Variants in KSR1 observed in about 807,000 individuals in gnomAD.
The protein encoded by KSR1 is kinase suppressor of ras.
A neutral mutation model predicts 92.9 loss-of-function variants in KSR1; 35 were observed. The observed-to-expected ratio is 0.38, with a 90% CI of 0.29 to 0.50. KSR1 has a LOEUF of 0.50. Among genes scored for constraint, KSR1 ranks in the 20% least tolerant of loss-of-function variants. The probability of loss-of-function intolerance (pLI) is 0.94; values close to 1 mark genes in which losing one functional copy is unlikely to be tolerated. For synonymous variants in KSR1, 467 were observed against 472.6 expected, an observed-to-expected ratio of 0.99 and a Z score of 0.15; for missense variants, 972 against 1,158.5, an observed-to-expected ratio of 0.84 and a Z score of 2.34.
chr17:27,485,295 A>G (rs1255963330), intron 1 of KSR1, among the ~76,000 whole-genome samples: 1 of 152,200 alleles, frequency 6.6e-6, no homozygotes, highest in East Asian at 1.9e-4. Flanking sequence ...CAGAGAGGGC[A>G]GGGTGATGGG....
intron 9 of KSR1, among the ~76,000 whole-genome samples, chr17:27,596,187 AG>A (rs2073339792): frequency 6.6e-6 from 1 of 152,242 alleles, no homozygotes; most frequent in Non-Finnish European, 1.5e-5. Flanking sequence ...AAAGTTACTA[AG>A]CTTCATCTGG....
intron 1 of KSR1, among the ~76,000 whole-genome samples, chr17:27,470,129 C>T (rs1193710636): frequency 1.5e-4 from 23 of 150,970 alleles, no homozygotes. Flanking sequence ...GATCTCAGTT[C>T]ACTGCAGCCT....
chr17:27,587,475 G>A (rs369186784), intron 5 of KSR1: 6 of 152,326 alleles, frequency 3.9e-5, no homozygotes, highest in African/African-American at 1.4e-4. Flanking sequence ...TGACTCAGAG[G>A]ACATGAGATG....
chr17:27,530,719 A>G (rs1347509511), intron 1 of KSR1, among the ~76,000 whole-genome samples: 6 of 152,248 alleles, frequency 3.9e-5, no homozygotes, highest in African/African-American at 1.2e-4. Flanking sequence ...AGTAGAAGGA[A>G]GAAAATAATT....
chr17:27,576,763 T>C (rs1479314112), intron 2 of KSR1, among the ~76,000 whole-genome samples: 1 of 152,254 alleles, frequency 6.6e-6, no homozygotes, highest in Non-Finnish European at 1.5e-5. Context: ...GCATTTTCCA[T>C]TTAATAGTTT....
chr17:27,581,118 G>A (rs1484727990), intron 3 of KSR1, among the ~76,000 whole-genome samples: 2 of 152,096 alleles, frequency 1.3e-5, no homozygotes, highest in Admixed American at 1.3e-4. Context: ...GAAGGCTCCA[G>A]GCATAGCGGA....
chr17:27,497,139 C>T (rs1027160584), intron 1 of KSR1, among the ~76,000 whole-genome samples: 5 of 152,328 alleles, frequency 3.3e-5, no homozygotes, highest in Admixed American at 6.5e-5. Context: ...TTCATTTCCA[C>T]CTCTTTGCGA....
At position 27,517,978 on chromosome 17, in the gene KSR1, A is replaced by G. The variant is rs576188924; in HGVS notation, c.232-32590A>G. ...CAAGCTATTTATTCATTTGGTCATT[A>G]TTGAGGACCTGCTGTATGCCACCAC... On this transcript the variant is annotated intron_variant, in intron 1 of 20. Transcript: ENST00000644974. Among the ~76,000 whole-genome samples, 12 of 152,352 alleles carry G rather than the reference A, an allele frequency of 7.9e-5. No individual in the cohort carries two copies. In the South Asian group the frequency reaches 8.3e-4, roughly 11 times the overall value.
chr17:27,596,996 C>T (rs562781838), intron 9 of KSR1, among the ~76,000 whole-genome samples: 4 of 152,282 alleles, frequency 2.6e-5, no homozygotes, highest in African/African-American at 4.8e-5. Context: ...AGAGGAGGAG[C>T]GTGGTCCCAG....
chr17:27,461,096 C>A (rs563860820), intron 1 of KSR1, among the ~76,000 whole-genome samples: 2 of 152,074 alleles, frequency 1.3e-5, no homozygotes, highest in East Asian at 3.9e-4. Context: ...TTTTGTTTTT[C>A]TTTTAGTCAG....
At chr17:27,593,995 C>T (rs2073256498) in intron 9 of KSR1, among the ~76,000 whole-genome samples, 1 of 152,136 alleles carries the variant, frequency 6.6e-6, no homozygotes, top group Non-Finnish European at 1.5e-5. Flanking sequence ...ACCCAGTTAC[C>T]TCTCAGAGGC....
chr17:27,535,363 T>G (rs1306804519), intron 1 of KSR1, among the ~76,000 whole-genome samples: 1 of 152,206 alleles, frequency 6.6e-6, no homozygotes, highest in East Asian at 1.9e-4. Flanking sequence ...CACATTGGTG[T>G]GCGCCACAGA....
intron 1 of KSR1, among the ~76,000 whole-genome samples, chr17:27,536,266 C>T: frequency 6.6e-6 from 1 of 152,146 alleles, no homozygotes; most frequent in East Asian, 1.9e-4. Flanking sequence ...GCTTGGGTGG[C>T]TCATTTGCTG....
intron 1 of KSR1, among the ~76,000 whole-genome samples, chr17:27,532,275 G>T (rs1361486584): frequency 1.3e-5 from 2 of 152,224 alleles, no homozygotes; most frequent in Non-Finnish European, 2.9e-5. Context: ...GAGCCCTGTG[G>T]GGTTTGCCCG....
chr17:27,604,165 G>T (rs902841481), intron 12 of KSR1, among the ~76,000 whole-genome samples: 2 of 152,186 alleles, frequency 1.3e-5, no homozygotes, highest in African/African-American at 4.8e-5. Flanking sequence ...AGAAGCCTAA[G>T]AATAGCTCCT....
rs757800049 is a variant in KSR1 at position 27,597,453 on chromosome 17, C to T, written c.1468+17C>T. 1.3e-6 allele frequency: 2 copies of T among 1,589,424 alleles called. No individual in the cohort carries two copies. The highest frequency in any genetic ancestry group is 2.2e-5 in the East Asian group (1 of 44,614). On this transcript the variant is annotated intron_variant, in intron 10 of 20. Coordinates refer to ENST00000644974, the MANE Select transcript of KSR1 (RefSeq NM_001394583.1). The stretch of plus-strand genomic sequence containing the variant: ...ACTTCCCAGGTACCACATCTCCAGG[C>T]TTTTCTGGGTTCTAAGGGATACAGT...
At chr17:27,554,369 A>G (rs921844477) in intron 2 of KSR1, among the ~76,000 whole-genome samples, 1 of 152,214 alleles carries the variant, frequency 6.6e-6, no homozygotes, top group Non-Finnish European at 1.5e-5. Flanking sequence ...GTACCGGTCC[A>G]CTTGGCCTCT....
At chr17:27,545,173 T>G (rs771728145) in intron 1 of KSR1, among the ~76,000 whole-genome samples, 1 of 152,232 alleles carries the variant, frequency 6.6e-6, no homozygotes, top group Non-Finnish European at 1.5e-5. Context: ...CCCATGGGCC[T>G]GCTTTGGGCT....
intron 1 of KSR1, among the ~76,000 whole-genome samples, chr17:27,533,411 G>T (rs897340322): frequency 4.7e-5 from 7 of 149,872 alleles, no homozygotes; most frequent in African/African-American, 1.5e-4. Context: ...TTAAGATGGA[G>T]TATCACTCTG....
Sources: gnomAD v4.1 joint callset for allele counts (sites outside exome capture counted in the v4.1 genomes callset) on GRCh38, gnomAD v4.1.1 for gene constraint, MANE v1.5 for transcripts, NCBI Gene and HGNC (gene_info 2026-07-23, HGNC 2026-07-21) for gene names.